The following KCNH5 variants were observed in gnomAD, a reference collection of about 807,000 sequenced individuals.
The protein encoded by KCNH5 is potassium voltage-gated channel subfamily H member 5.
Under a neutral mutation model 96.1 loss-of-function variants are expected in KCNH5, and 46 were observed. The ratio of observed to expected loss-of-function variants is 0.48; its 90% CI spans 0.38 to 0.61. The LOEUF (loss-of-function observed/expected upper bound fraction) is 0.61. Ranked by LOEUF, KCNH5 falls within the 20% of genes least tolerant of loss-of-function variation. The pLI is 0.00. For synonymous variants in KCNH5, 439 were observed against 449.8 expected (o/e 0.98, Z 0.30); for missense variants, 907 against 1,225.8 (o/e 0.74, Z 3.88).
At chr14:62,934,219 C>A (rs541681991) in intron 7 of KCNH5, among the ~76,000 whole-genome samples, 3 of 151,912 alleles carry the variant, frequency 2.0e-5, no homozygotes, top group Non-Finnish European at 2.9e-5. Context: ...CTCCGCCTCC[C>A]GGGTTCAAGC....
intron 8 of KCNH5, among the ~76,000 whole-genome samples, chr14:62,840,679 T>C (rs145678296): frequency 0.032 from 4,691 of 146,772 alleles, 125 homozygotes; most frequent in African/African-American, 0.072. Flanking sequence ...CAAGTGATTC[T>C]CCTGTCTCAG....
At chr14:63,005,974 C>T (rs955356894) in intron 3 of KCNH5, among the ~76,000 whole-genome samples, 1 of 152,132 alleles carries the variant, frequency 6.6e-6, no homozygotes, top group South Asian at 2.1e-4. Flanking sequence ...TGCCTATGTT[C>T]GTGTCGAAAG....
intron 10 of KCNH5, among the ~76,000 whole-genome samples, chr14:62,717,599 A>G (rs1214709841): frequency 6.6e-6 from 1 of 152,246 alleles, no homozygotes; most frequent in African/African-American, 2.4e-5. Flanking sequence ...CAAACAAGAA[A>G]TGAATGTGGA....
At chr14:62,929,991 T>C (rs1889549830) in intron 7 of KCNH5, among the ~76,000 whole-genome samples, 1 of 152,116 alleles carries the variant, frequency 6.6e-6, no homozygotes, top group Non-Finnish European at 1.5e-5. Flanking sequence ...TGCATAGTAT[T>C]CCGTGGTGTA....
chr14:62,764,424 T>C (rs994119800), intron 10 of KCNH5, among the ~76,000 whole-genome samples: 3 of 152,104 alleles, frequency 2.0e-5, no homozygotes, highest in Admixed American at 6.6e-5. Context: ...TCATACTGAC[T>C]AGGCAAAATG....
chr14:62,833,105 C>T (rs965312186), intron 8 of KCNH5, among the ~76,000 whole-genome samples: 1 of 151,772 alleles, frequency 6.6e-6, no homozygotes, highest in South Asian at 2.1e-4. Context: ...GTTGGTCCTA[C>T]AGAAGTTTTT....
chr14:62,941,688 C>T (rs773454043), intron 7 of KCNH5, among the ~76,000 whole-genome samples: 17 of 152,294 alleles, frequency 1.1e-4, no homozygotes, highest in Non-Finnish European at 1.8e-4. Flanking sequence ...CATGTACACA[C>T]TGCATTTTCT....
chr14:62,735,345 G>C (rs1269479126), intron 10 of KCNH5, among the ~76,000 whole-genome samples: 1 of 152,122 alleles, frequency 6.6e-6, no homozygotes, highest in Non-Finnish European at 1.5e-5. Flanking sequence ...AAAGCAGGCA[G>C]TGGGGAACAG....
intron 10 of KCNH5, among the ~76,000 whole-genome samples, chr14:62,709,545 A>C (rs1884525754): frequency 6.6e-6 from 1 of 152,176 alleles, no homozygotes; most frequent in Admixed American, 6.5e-5. Flanking sequence ...TTTCCATATG[A>C]CATGTTCACT....
Position 62,705,068 on chromosome 14 carries a change from T to C in KCNH5, c.*2440A>G, listed in dbSNP as rs1174153717. On this transcript the variant is annotated 3_prime_UTR_variant, in exon 11 of 11. Transcript: ENST00000322893. ...AACTGCACCATAATTAAACAATTGA[T>C]ACTTTCCCTCCTTCCTAACAATCTG... 6.6e-6 allele frequency: 1 copy of C among 151,998 alleles called. No individual in the cohort carries two copies. Among genetic ancestry groups the C allele is most frequent in the African/African-American group, 2.4e-5 (1 of 41,454 alleles). 9.4% of individuals were successfully genotyped at this position (151,998 alleles called of 1,614,324 possible).
At position 63,016,891 on chromosome 14, in the gene KCNH5, C is replaced by A; in HGVS notation, c.137G>T (p.Gly46Val). Residue 46 changes from glycine (G) to valine (V), a missense_variant, in exon 2 of 11, where the codon GGT becomes GTT. Gly to Val is a moderately radical substitution (Grantham distance 109). Around this residue, in one of 6 missense-constraint regions of KCNH5, gnomAD observed 370 missense variants for 561.3 expected, o/e 0.66. Coordinates refer to ENST00000322893, the MANE Select transcript of KCNH5 (RefSeq NM_139318.5). ...ATGATATCCAGAGAGTTTACAAAAA[C>A]CGTCATTACTATAAACTACAGGCCA... ...VDWPVVYSND[G>V]FCKLSGYHRA... 1 of 1,610,820 alleles carries A rather than the reference C, an allele frequency of 6.2e-7. No homozygotes were observed. The highest frequency in any genetic ancestry group is 1.7e-4 in the Middle Eastern group (1 of 6,046).
intron 9 of KCNH5, among the ~76,000 whole-genome samples, chr14:62,790,925 A>T (rs533623768): frequency 6.6e-6 from 1 of 151,886 alleles, no homozygotes; most frequent in South Asian, 2.1e-4. Context: ...ACAAACAGAG[A>T]TAATTTTACT....
intron 7 of KCNH5, among the ~76,000 whole-genome samples, chr14:62,883,723 C>G (rs535107862): frequency 3.3e-5 from 5 of 152,072 alleles, no homozygotes; most frequent in Non-Finnish European, 7.4e-5. Flanking sequence ...ACGTTACACA[C>G]TGTTGTCCTT....
At chr14:62,984,638 T>C (rs1890670423) in intron 5 of KCNH5, among the ~76,000 whole-genome samples, 1 of 152,162 alleles carries the variant, frequency 6.6e-6, no homozygotes, top group Non-Finnish European at 1.5e-5. Context: ...ATCGACAATC[T>C]TGTTATTTCT....
chr14:62,779,357 G>A lies in KCNH5; in HGVS notation c.2019+371C>T, dbSNP rs147625266. ...CTGAGAATGTAAAACAGGCACCCAG[G>A]TTGATTAACTTTACCAGCTTTAAAA... is the stretch of plus-strand genomic sequence containing the variant. On this transcript the variant is annotated intron_variant, in intron 10 of 10. Coordinates refer to ENST00000322893, the MANE Select transcript of KCNH5 (RefSeq NM_139318.5). 3.2e-4 allele frequency among the ~76,000 whole-genome samples: 49 copies of A among 152,186 alleles called. No individual in the cohort carries two copies. The East Asian group carries it at 7.7e-3, about 24-fold the overall frequency.
At chr14:62,781,299 C>G (rs1228608829) in intron 9 of KCNH5, among the ~76,000 whole-genome samples, 1 of 152,120 alleles carries the variant, frequency 6.6e-6, no homozygotes, top group Non-Finnish European at 1.5e-5. Context: ...TATCACAAGG[C>G]AAGTGGAGGC....
intron 7 of KCNH5, among the ~76,000 whole-genome samples, chr14:62,898,805 T>C (rs951166861): frequency 1.3e-5 from 2 of 152,196 alleles, no homozygotes; most frequent in Non-Finnish European, 2.9e-5. Context: ...TCATAAATTA[T>C]TGCTACATAA....
chr14:62,860,208 G>A (rs764991812), intron 7 of KCNH5, among the ~76,000 whole-genome samples: 27 of 152,178 alleles, frequency 1.8e-4, no homozygotes, highest in Admixed American at 6.5e-5. Flanking sequence ...GTTATCTGCA[G>A]AAGACGGCAG....
intron 4 of KCNH5, among the ~76,000 whole-genome samples, chr14:62,989,677 T>C (rs1339220952): frequency 6.6e-6 from 1 of 152,090 alleles, no homozygotes; most frequent in Non-Finnish European, 1.5e-5. Context: ...TGTTGATTGA[T>C]ATAATAGCCA....
Sources: gnomAD v4.1 joint callset for allele counts (sites outside exome capture counted in the v4.1 genomes callset) on GRCh38, gnomAD v4.1.1 for gene constraint, gnomAD v4.1.1 regional missense constraint, MANE v1.5 for transcripts, NCBI Gene and HGNC (gene_info 2026-07-23, HGNC 2026-07-21) for gene names.